COX10: variants seen among roughly 807,000 people sequenced by gnomAD.
COX10 encodes the protein cytochrome c oxidase assembly factor heme A:farnesyltransferase COX10.
In COX10, 27 loss-of-function variants were observed where a neutral mutation model predicts 37.3. The ratio of observed to expected loss-of-function variants is 0.72; its 90% confidence interval spans 0.53 to 1.00. The LOEUF (loss-of-function observed/expected upper bound fraction) is 1.00, where lower values mean the gene tolerates loss of function less well. Among genes scored for constraint, COX10 ranks in the 50% least tolerant of loss-of-function variants. The pLI, the probability that COX10 is intolerant of heterozygous loss-of-function variation, is 0.00. For missense variants in COX10, 475 were observed against 563.2 expected, an observed-to-expected ratio of 0.84 and a Z score of 1.59; for synonymous variants, 222 against 229.1, an observed-to-expected ratio of 0.97 and a Z score of 0.28.
chr17:14,203,612 A>T (rs550933397), intron 6 of COX10, among the ~76,000 whole-genome samples: 1 of 152,196 alleles, frequency 6.6e-6, no homozygotes, highest in African/African-American at 2.4e-5. Context: ...TGTGCTGTTG[A>T]GGAATACAGA....
At chr17:14,188,695 A>G (rs1906112485) in intron 5 of COX10, among the ~76,000 whole-genome samples, 1 of 152,216 alleles carries the variant, frequency 6.6e-6, no homozygotes, top group Non-Finnish European at 1.5e-5. Context: ...AGGGAGCCAA[A>G]TCAGGACTGT....
At chr17:14,185,094 A>G (rs1905987598) in intron 5 of COX10, among the ~76,000 whole-genome samples, 1 of 151,894 alleles carries the variant, frequency 6.6e-6, no homozygotes, top group Non-Finnish European at 1.5e-5. Context: ...TTGAACTGGA[A>G]GCAAACTGCT....
chr17:14,151,067 G>A (rs1407043311), intron 4 of COX10, among the ~76,000 whole-genome samples: 3 of 150,082 alleles, frequency 2.0e-5, no homozygotes. Flanking sequence ...TAAAGCACAG[G>A]AAAAAAAAAA....
intron 6 of COX10, among the ~76,000 whole-genome samples, chr17:14,192,638 C>T (rs1199676936): frequency 6.6e-6 from 1 of 152,076 alleles, no homozygotes; most frequent in East Asian, 1.9e-4. Flanking sequence ...TCCTGTGTTC[C>T]CCTCTTATGA....
At chr17:14,201,308 G>C (rs1017121931) in intron 6 of COX10, among the ~76,000 whole-genome samples, 5 of 152,200 alleles carry the variant, frequency 3.3e-5, no homozygotes, top group Non-Finnish European at 5.9e-5. Context: ...ATCTTTTATA[G>C]GAGGAGAGGC....
chr17:14,202,329 ATCCTCCCTCC>A lies in COX10; in HGVS notation c.929-4478_929-4469del, dbSNP rs1020506339. ...AGCCTAGAACTCCCAGGCTCAAGCG[ATCCTCCCTCC>A]TCAGACTCCCAAGTAGGCCGGACTA... On this transcript the variant is annotated intron_variant, in intron 6 of 6. Transcript: ENST00000261643. Among the ~76,000 whole-genome samples the A allele has an allele frequency of 6.0e-4, 91 of 151,244 alleles. 1 individual carries two copies. The highest frequency in any genetic ancestry group is 3.4e-3 in the Middle Eastern group (1 of 294).
intron 4 of COX10, among the ~76,000 whole-genome samples, chr17:14,107,340 A>G (rs898820600): frequency 6.6e-6 from 1 of 151,726 alleles, no homozygotes; most frequent in Admixed American, 6.6e-5. Flanking sequence ...GACCATATGT[A>G]CTTCTTTATG....
rs529700806 is a variant in COX10 at position 14,162,212 on chromosome 17, T to C, written c.695+2265T>C. Among the ~76,000 whole-genome samples, 70 of 152,340 alleles carry C rather than the reference T, an allele frequency of 4.6e-4. 1 individual carries two copies. Among genetic ancestry groups the C allele is most frequent in the South Asian group, 3.5e-3 (17 of 4,832 alleles). On this transcript the variant is annotated intron_variant, in intron 5 of 6. Transcript: ENST00000261643. ...CTTTCAAATGGATAGCATATACTTA[T>C]AAAATTTGTAGACCACAATCACTTT... is the stretch of plus-strand genomic sequence containing the variant.
chr17:14,150,691 A>G (rs1451094935), intron 4 of COX10, among the ~76,000 whole-genome samples: 1 of 152,186 alleles, frequency 6.6e-6, no homozygotes, highest in Non-Finnish European at 1.5e-5. Flanking sequence ...CCCAGTTTGA[A>G]TCAGATAACA....
At position 14,100,932 on chromosome 17, in the gene COX10, A is replaced by G. The variant is rs139568454; in HGVS notation, c.500-1186A>G. Among the ~76,000 whole-genome samples, 244 of 152,214 alleles carry G rather than the reference A, an allele frequency of 1.6e-3. 1 individual carries two copies. Among genetic ancestry groups the G allele is most frequent in the African/African-American group, 5.7e-3 (238 of 41,538 alleles). ...TGTTGGGGGGTGTCCTATGCACCAT[A>G]AGATGTTAAGAAGCATCCTCAGCCT... On this transcript the variant is annotated intron_variant, in intron 3 of 6. Coordinates refer to ENST00000261643, the MANE Select transcript of COX10 (RefSeq NM_001303.4).
At chr17:14,206,355 G>A (rs1367839021) in intron 6 of COX10, among the ~76,000 whole-genome samples, 1 of 152,138 alleles carries the variant, frequency 6.6e-6, no homozygotes, top group East Asian at 1.9e-4. Flanking sequence ...GGAGCTCAGC[G>A]CTCCAGCACA....
At chr17:14,100,908 G>A (rs1450012817) in intron 3 of COX10, among the ~76,000 whole-genome samples, 1 of 152,098 alleles carries the variant, frequency 6.6e-6, no homozygotes, top group Non-Finnish European at 1.5e-5. Flanking sequence ...ATTATTTGTT[G>A]TTGGGGGGTG....
At chr17:14,142,718 A>G (rs947624426) in intron 4 of COX10, among the ~76,000 whole-genome samples, 5 of 152,208 alleles carry the variant, frequency 3.3e-5, no homozygotes, top group South Asian at 4.1e-4. Flanking sequence ...CCAGTTTGCT[A>G]TTAAAAAGAG....
At chr17:14,136,447 C>T (rs1904368382) in intron 4 of COX10, among the ~76,000 whole-genome samples, 1 of 151,930 alleles carries the variant, frequency 6.6e-6, no homozygotes, top group South Asian at 2.1e-4. Context: ...CAAAACAAAG[C>T]CTAGATGTGC....
intron 4 of COX10, among the ~76,000 whole-genome samples, chr17:14,148,556 C>T (rs573359215): frequency 1.3e-5 from 2 of 152,278 alleles, no homozygotes; most frequent in East Asian, 3.9e-4. Flanking sequence ...GATGGAAAAA[C>T]AAACTCCCAC....
chr17:14,193,246 A>G (rs2142263940), intron 6 of COX10, among the ~76,000 whole-genome samples: 1 of 152,346 alleles, frequency 6.6e-6, no homozygotes, highest in Non-Finnish European at 1.5e-5. Context: ...CCCACCGCTC[A>G]TGAGCTGTGC....
chr17:14,166,264 A>G (rs1303357971), intron 5 of COX10, among the ~76,000 whole-genome samples: 1 of 152,212 alleles, frequency 6.6e-6, no homozygotes, highest in Non-Finnish European at 1.5e-5. Flanking sequence ...AGGATAGGCT[A>G]ACTCTCATTA....
intron 4 of COX10, among the ~76,000 whole-genome samples, chr17:14,114,575 C>A (rs552013202): frequency 6.6e-6 from 1 of 152,026 alleles, no homozygotes; most frequent in Non-Finnish European, 1.5e-5. Context: ...TACTACAAAG[C>A]CTCAAGTTGC....
intron 4 of COX10, among the ~76,000 whole-genome samples, chr17:14,116,991 A>G (rs148363336): frequency 6.6e-6 from 1 of 152,130 alleles, no homozygotes; most frequent in Non-Finnish European, 1.5e-5. Context: ...CATTCTTTTC[A>G]TGTTATTTAT....
Sources: gnomAD v4.1 joint callset for allele counts (sites outside exome capture counted in the v4.1 genomes callset) on GRCh38, gnomAD v4.1.1 for gene constraint, MANE v1.5 for transcripts, NCBI Gene and HGNC (gene_info 2026-07-23, HGNC 2026-07-21) for gene names.